The following CCT6A variants were observed in gnomAD, a reference collection of about 807,000 sequenced individuals.
CCT6A encodes T-complex protein 1 subunit zeta.
A neutral mutation model predicts 58.6 loss-of-function variants in CCT6A; 6 were observed. The ratio of observed to expected loss-of-function variants is 0.10; its 90% CI spans 0.06 to 0.20. The LOEUF is 0.20. Ranked by LOEUF, CCT6A falls within the 10% of genes least tolerant of loss-of-function variation. The pLI, the probability that CCT6A is intolerant of heterozygous loss-of-function variation, is 1.00. For synonymous variants in CCT6A, 245 were observed against 227.8 expected, an observed-to-expected ratio of 1.08 and a Z score of -0.68; for missense variants, 516 against 648.8, an observed-to-expected ratio of 0.80 and a Z score of 2.22.
chr7:56,052,347 A>G (rs1378633682), intron 1 of CCT6A, 75 bp from the exon 2 acceptor site: 2 of 1,380,690 alleles, frequency 1.4e-6, no homozygotes, highest in Admixed American at 1.7e-5. Context: ...AATCTGGGAA[A>G]AGCCCGTTTT....
chr7:56,056,770 G>A (rs574248320), intron 5 of CCT6A, among the ~76,000 whole-genome samples: 116 of 150,808 alleles, frequency 7.7e-4, no homozygotes, highest in African/African-American at 2.7e-3. Flanking sequence ...TAGAAATTTA[G>A]GGGTGCTTTG....
chr7:56,061,678 T>TTTC, intron 11 of CCT6A, 69 bp from the exon 12 acceptor site: 1 of 378,658 alleles, frequency 2.6e-6, no homozygotes, highest in Non-Finnish European at 4.7e-6. Flanking sequence ...CTTTTTTTTT[T>TTTC]TTTTTTTTTT....
At chr7:56,052,103 C>A (rs1293626177) in intron 1 of CCT6A, 118 bp downstream of exon 1, 5 of 910,808 alleles carry the variant, frequency 5.5e-6, no homozygotes, top group Non-Finnish European at 7.4e-6. Flanking sequence ...TCCTTCTCGG[C>A]GTCCTCCGGG....
At chr7:56,053,040 C>A (rs1255166232) in intron 2 of CCT6A, among the ~76,000 whole-genome samples, 1 of 152,138 alleles carries the variant, frequency 6.6e-6, no homozygotes, top group Non-Finnish European at 1.5e-5. Flanking sequence ...GCGATCCCCC[C>A]GCATCAGCCT....
chr7:56,058,798 T>C (rs1443892209), intron 8 of CCT6A, 96 bp downstream of exon 8: 5 of 724,166 alleles, frequency 6.9e-6, no homozygotes, highest in Non-Finnish European at 1.2e-5. Context: ...ACTGTATAGT[T>C]AATTGGCATT....
rs1483673670 is a variant in CCT6A, at chr7:56,063,267, G to A, written c.*182G>A. The stretch of plus-strand genomic sequence containing the variant: ...TGAAATTATAGTATTTTTAAAAATT[G>A]CACTGAAGTGTATACACATAAAGCA... On this transcript the variant is annotated 3_prime_UTR_variant, in exon 14 of 14. Transcript: ENST00000275603. 2 of 603,002 alleles carry A rather than the reference G, an allele frequency of 3.3e-6. No homozygotes were observed. Among genetic ancestry groups the A allele is most frequent in the Non-Finnish European group, 5.9e-6 (2 of 340,592 alleles). 37.4% of individuals were successfully genotyped at this position (603,002 alleles called of 1,614,324 possible).
At chr7:56,062,976 A>G in intron 13 of CCT6A, 37 bp from the exon 14 acceptor site, 3 of 1,514,658 alleles carry the variant, frequency 2.0e-6, no homozygotes, top group Non-Finnish European at 2.8e-6. Flanking sequence ...TAGGGCTCCT[A>G]ATCATCTGAG....
At position 56,063,807 on chromosome 7, in the gene CCT6A, T is replaced by C. The variant is rs1402604860; in HGVS notation, c.*722T>C. On this transcript the variant is annotated 3_prime_UTR_variant, in exon 14 of 14. Transcript: ENST00000275603. ...CAAGCTTCTGAACTTAGGCAAAATA[T>C]TCATCGCAAAGTCTCTAGCGTCATA... is the stretch of plus-strand genomic sequence containing the variant. The C allele has an allele frequency of 1.2e-5, 2 of 160,748 alleles. No homozygotes were observed. Among genetic ancestry groups the C allele is most frequent in the Non-Finnish European group, 2.7e-5 (2 of 73,570 alleles). 10.0% of individuals were successfully genotyped at this position (160,748 alleles called of 1,614,324 possible). A position where few individuals can be genotyped will look rare whatever the true frequency, so the allele number is the denominator to read the frequency against.
At chr7:56,062,836 C>G in intron 13 of CCT6A, 81 bp downstream of exon 13, 4 of 1,266,716 alleles carry the variant, frequency 3.2e-6, no homozygotes, top group Non-Finnish European at 4.6e-6. Flanking sequence ...TTGCTCCTTT[C>G]CCCCATGAAT....
At chr7:56,059,464 C>A in intron 8 of CCT6A, 80 bp from the exon 9 acceptor site, 3 of 772,910 alleles carry the variant, frequency 3.9e-6, no homozygotes, top group Admixed American at 4.0e-5. Flanking sequence ...CTGAAAAATT[C>A]CTTCCTAAAA....
rs762966226 is a variant in CCT6A at position 56,059,564 on chromosome 7, G to T, written c.989G>T (p.Gly330Val). ...TTCAGGCTGACTCTTGCTTGTGGTGGGGTAGCCCTGAATTCTTTTGACGAC... is the reference window on the plus strand; with the variant it reads ...TTCAGGCTGACTCTTGCTTGTGGTGTGGTAGCCCTGAATTCTTTTGACGAC... ...NMERLTLACG[G>V]VALNSFDDLS... Residue 330 changes from glycine to valine, a missense_variant, in exon 9 of 14, where the codon GGG (glycine) becomes GTG (valine). By Grantham distance (109) the Gly-to-Val change is moderately radical. Around this residue, in one of 3 missense-constraint regions of CCT6A, gnomAD observed 315 missense variants for 389.4 expected, o/e 0.81. Transcript: ENST00000275603. 4 of 1,605,244 alleles carry T rather than the reference G, an allele frequency of 2.5e-6. No individual in the cohort carries two copies. The South Asian group carries it at 4.4e-5, about 18-fold the overall frequency.
At position 56,051,881 on chromosome 7, in the gene CCT6A, C is replaced by T. The variant is rs1344019505; in HGVS notation, c.33C>T (p.Ala11=). Residue 11 remains alanine, a synonymous_variant, in exon 1 of 14, where the codon GCC becomes GCT. Transcript: ENST00000275603. MAAVKTLNPK[A]EVARAQAALA... is the part of the protein sequence containing the mutation. ...CGGTGAAGACCCTGAACCCCAAGGC[C>T]GAGGTGGCCCGAGCGCAGGCGGCGC... 6.4e-6 allele frequency: 10 copies of T among 1,558,658 alleles called. No individual in the cohort carries two copies. Among genetic ancestry groups the T allele is most frequent in the Middle Eastern group, 1.7e-4 (1 of 5,940 alleles).
chr7:56,062,564 A>C, intron 12 of CCT6A, 119 bp from the exon 13 acceptor site: 14 of 845,840 alleles, frequency 1.7e-5, no homozygotes, highest in Non-Finnish European at 2.8e-5. Flanking sequence ...CTAACAGAGA[A>C]GCTTTGAATT....
intron 11 of CCT6A, 101 bp downstream of exon 11, chr7:56,061,041 T>C (rs1794420863): frequency 1.5e-6 from 2 of 1,304,104 alleles, no homozygotes; most frequent in Non-Finnish European, 2.1e-6. Flanking sequence ...GATAAGCAAG[T>C]TTGATCAGTT....
At position 56,063,594 on chromosome 7, in the gene CCT6A, C is replaced by T. The variant is rs1794530412; in HGVS notation, c.*509C>T. Reference sequence around the variant, plus strand: ...TGGACTTTGAACGCCTTTGAAATGGCTTTGCTAAAATGCTCCCGCCACAAA... The same window carrying T: ...TGGACTTTGAACGCCTTTGAAATGGTTTTGCTAAAATGCTCCCGCCACAAA... On this transcript the variant is annotated 3_prime_UTR_variant, in exon 14 of 14. Coordinates refer to ENST00000275603, the MANE Select transcript of CCT6A (RefSeq NM_001762.4). 6.1e-6 allele frequency: 1 copy of T among 163,790 alleles called. No homozygotes were observed. Among genetic ancestry groups the T allele is most frequent in the Non-Finnish European group, 1.3e-5 (1 of 75,424 alleles). The allele number at this position is 163,790 out of a possible 1,614,324, so 10.1% of individuals were successfully genotyped here.
chr7:56,060,447 A>T (rs1177396561), intron 10 of CCT6A, 31 bp downstream of exon 10: 1 of 1,611,346 alleles, frequency 6.2e-7, no homozygotes, highest in African/African-American at 1.3e-5. Flanking sequence ...CAATTCTTTT[A>T]TATTGTTTTG....
rs1794516526 is a variant in CCT6A, at chr7:56,063,314, G to A, written c.*229G>A. 3 of 531,114 alleles carry A rather than the reference G, an allele frequency of 5.6e-6. No individual in the cohort carries two copies. The highest frequency in any genetic ancestry group is 6.7e-6 in the Non-Finnish European group (2 of 299,542). The allele number at this position is 531,114 out of a possible 1,614,324, so 32.9% of individuals were successfully genotyped here. On this transcript the variant is annotated 3_prime_UTR_variant, in exon 14 of 14. Coordinates refer to ENST00000275603, the MANE Select transcript of CCT6A (RefSeq NM_001762.4). ...AGCAGGTCTTTTATCCAGTGAACAG[G>A]ATGTTTTGCTTTAGCAGCAGTGACA... is the stretch of plus-strand genomic sequence containing the variant.
At chr7:56,054,295 TC>T (rs1373052487) in intron 2 of CCT6A, 73 bp from the exon 3 acceptor site, 4 of 1,302,896 alleles carry the variant, frequency 3.1e-6, no homozygotes, top group Non-Finnish European at 4.3e-6. Flanking sequence ...AAGAGGCCCT[TC>T]CTGCATTTTG....
intron 1 of CCT6A, 64 bp from the exon 2 acceptor site, chr7:56,052,358 C>G (rs1794143418): frequency 2.0e-6 from 3 of 1,466,428 alleles, no homozygotes; most frequent in African/African-American, 2.8e-5. Context: ...AGCCCGTTTT[C>G]TAATGGGACT....
Sources: gnomAD v4.1 joint callset for allele counts (sites outside exome capture counted in the v4.1 genomes callset) on GRCh38, gnomAD v4.1.1 for gene constraint, gnomAD v4.1.1 regional missense constraint, MANE v1.5 for transcripts, NCBI Gene and HGNC (gene_info 2026-07-23, HGNC 2026-07-21) for gene names.